STK32B: variants seen among roughly 807,000 people sequenced by gnomAD.
The protein encoded by STK32B is serine/threonine-protein kinase 32B.
Under a neutral mutation model 52.6 loss-of-function variants are expected in STK32B, and 43 were observed. The observed-to-expected ratio is 0.82, with a 90% confidence interval of 0.64 to 1.05. STK32B has a LOEUF of 1.05. Among genes scored for constraint, STK32B ranks in the 50% least tolerant of loss-of-function variants. STK32B has a pLI of 0.00. For synonymous variants in STK32B, 238 were observed against 204.3 expected (o/e 1.17, Z -1.41); for missense variants, 621 against 534.6 (o/e 1.16, Z -1.59).
chr4:5,500,898 A>T lies in STK32B; in HGVS notation c.*1815A>T, dbSNP rs1268159122. On this transcript the variant is annotated 3_prime_UTR_variant, in exon 12 of 12. Transcript: ENST00000282908. ...TTTTATTGGGCTGAGTTCACGAATT[A>T]GGGGCAGGAGCTGGAAGTCGCCCTA... 1 of 152,082 alleles carries T rather than the reference A, an allele frequency of 6.6e-6. No individual in the cohort carries two copies. The highest frequency in any genetic ancestry group is 1.9e-4 in the East Asian group (1 of 5,182). The allele number at this position is 152,082 out of a possible 1,614,324, so 9.4% of individuals were successfully genotyped here. A position where few individuals can be genotyped will look rare whatever the true frequency, so the allele number is the denominator to read the frequency against.
At chr4:5,289,315 G>T (rs1295398245) in intron 3 of STK32B, among the ~76,000 whole-genome samples, 2 of 152,192 alleles carry the variant, frequency 1.3e-5, no homozygotes, top group African/African-American at 4.8e-5. Context: ...GAGTTGGCAG[G>T]CCTGGAAGTT....
At chr4:5,019,416 C>G in the STK32B span, 1 of 1,484,884 alleles carries the variant, frequency 6.7e-7, no homozygotes, top group Non-Finnish European at 8.9e-7. Flanking sequence ...GGAGCAGCAG[C>G]AGCACGGGCA....
At chr4:5,147,308 T>A (rs1245013215) in intron 2 of STK32B, among the ~76,000 whole-genome samples, 1 of 152,094 alleles carries the variant, frequency 6.6e-6, no homozygotes, top group East Asian at 1.9e-4. Context: ...ACCTTGCTAA[T>A]TAAATAATTA....
At chr4:5,077,408 GT>G (rs1712148035) in intron 1 of STK32B, among the ~76,000 whole-genome samples, 1 of 151,984 alleles carries the variant, frequency 6.6e-6, no homozygotes, top group Non-Finnish European at 1.5e-5. Flanking sequence ...CGTTGCCACA[GT>G]TTCCCCAACC....
At chr4:5,056,694 C>T (rs890014548) in intron 1 of STK32B, among the ~76,000 whole-genome samples, 1 of 151,944 alleles carries the variant, frequency 6.6e-6, no homozygotes, top group Non-Finnish European at 1.5e-5. Flanking sequence ...TTGATGGGCT[C>T]TAACTGAGTC....
At chr4:5,305,940 C>T (rs375100863) in intron 3 of STK32B, among the ~76,000 whole-genome samples, 18 of 152,120 alleles carry the variant, frequency 1.2e-4, no homozygotes, top group African/African-American at 4.3e-4. Flanking sequence ...TTTTAAATTC[C>T]CATCTTGATT....
intron 1 of STK32B, among the ~76,000 whole-genome samples, chr4:5,080,210 G>C (rs916878808): frequency 6.6e-6 from 1 of 152,044 alleles, no homozygotes; most frequent in African/African-American, 2.4e-5. Context: ...ATTCTCTAAG[G>C]CCCTTTATGA....
At chr4:5,376,389 TTCTC>T (rs954378985) in intron 4 of STK32B, among the ~76,000 whole-genome samples, 46 of 151,688 alleles carry the variant, frequency 3.0e-4, no homozygotes, top group African/African-American at 1.0e-3. Flanking sequence ...CCAGGACACT[TTCTC>T]TCTCTCTCTT....
intron 2 of STK32B, among the ~76,000 whole-genome samples, chr4:5,165,050 G>T (rs112870234): frequency 6.6e-6 from 1 of 152,166 alleles, no homozygotes; most frequent in African/African-American, 2.4e-5. Flanking sequence ...CTGACTCCTG[G>T]TGTAGCTCTC....
intron 1 of STK32B, among the ~76,000 whole-genome samples, chr4:5,132,119 G>T (rs1715813422): frequency 6.6e-6 from 1 of 152,108 alleles, no homozygotes; most frequent in Admixed American, 6.6e-5. Context: ...TCTTTTTATG[G>T]CTGTGTAGTA....
At chr4:5,257,800 C>T (rs763272040) in intron 3 of STK32B, among the ~76,000 whole-genome samples, 6 of 152,094 alleles carry the variant, frequency 3.9e-5, no homozygotes, top group Admixed American at 1.3e-4. Flanking sequence ...AAAATTAGCT[C>T]TGTGTGGCGG....
rs146488881 is a variant in STK32B, at chr4:5,429,301, G to A, written c.562+12367G>A. ...ACTTATATTTAATATAATTATTGAG[G>A]TAATTTTATTTAAATCTATCATCTT... On this transcript the variant is annotated intron_variant, in intron 6 of 11. Transcript: ENST00000282908. Among the ~76,000 whole-genome samples, 609 of 151,946 alleles carry A rather than the reference G, an allele frequency of 4.0e-3. 2 individuals carry two copies. The highest frequency in any genetic ancestry group is 0.014 in the African/African-American group (572 of 41,450).
intron 11 of STK32B, among the ~76,000 whole-genome samples, chr4:5,495,087 G>A (rs1266940723): frequency 6.6e-6 from 1 of 152,040 alleles, no homozygotes; most frequent in Non-Finnish European, 1.5e-5. Flanking sequence ...TATCTTTGTG[G>A]CATTCTCTGT....
chr4:5,183,680 G>GA (rs1419800238), intron 3 of STK32B, among the ~76,000 whole-genome samples: 2 of 152,074 alleles, frequency 1.3e-5, no homozygotes, highest in Admixed American at 6.5e-5. Flanking sequence ...TTGTTTAATT[G>GA]AAAAATCTGT....
rs146171164 is a variant in STK32B at position 5,460,743 on chromosome 4, C to A, written c.909+515C>A. ...CACTGAGCCTTCCAGGCAAAGGGAT[C>A]GACAAGATCACACTCTTGAAGGCAG... On this transcript the variant is annotated intron_variant, in intron 9 of 11. Transcript: ENST00000282908. This position sits in a 1 kb window ranked among gnomAD's most constrained non-coding sequence, Gnocchi z 4.8. Among the ~76,000 whole-genome samples, 610 of 152,112 alleles carry A rather than the reference C, an allele frequency of 4.0e-3. No homozygotes were observed. Among genetic ancestry groups the A allele is most frequent in the Non-Finnish European group, 6.2e-3 (419 of 68,012 alleles).
intron 3 of STK32B, among the ~76,000 whole-genome samples, chr4:5,223,810 C>G (rs1450178619): frequency 1.5e-5 from 2 of 129,210 alleles, no homozygotes; most frequent in African/African-American, 6.5e-5. Flanking sequence ...GAGCAAGACT[C>G]CGTTTCAAAA....
chr4:5,315,682 CTTTTTTT>C (rs199584251), intron 3 of STK32B, among the ~76,000 whole-genome samples: 2 of 120,496 alleles, frequency 1.7e-5, no homozygotes, highest in Non-Finnish European at 3.7e-5. Context: ...TTTTCTTTTT[CTTTTTTT>C]TTTTTTTTGA....
At chr4:5,434,452 GTGTATATATA>G (rs1280860851) in intron 6 of STK32B, among the ~76,000 whole-genome samples, 8 of 143,146 alleles carry the variant, frequency 5.6e-5, no homozygotes, top group East Asian at 2.1e-4. Flanking sequence ...GTGTGTGTGT[GTGTATATATA>G]TATATATATA....
intron 3 of STK32B, among the ~76,000 whole-genome samples, chr4:5,188,445 C>T (rs1277513358): frequency 6.6e-6 from 1 of 152,172 alleles, no homozygotes; most frequent in Non-Finnish European, 1.5e-5. Flanking sequence ...CGCACATGCC[C>T]CTTCTCCGAC....
Sources: allele counts gnomAD v4.1 joint callset (sites outside exome capture counted in the v4.1 genomes callset), GRCh38; gene constraint gnomAD v4.1.1; non-coding constraint Gnocchi (gnomAD v3.1); transcripts MANE v1.5; gene names NCBI Gene and HGNC (gene_info 2026-07-23, HGNC 2026-07-21).